MAPK10: variants seen among roughly 807,000 people sequenced by gnomAD.
MAPK10 encodes JNK3 alpha protein kinase.
Under a neutral mutation model 59.3 loss-of-function variants are expected in MAPK10, and 25 were observed. The observed-to-expected ratio is 0.42, with a 90% confidence interval of 0.31 to 0.59. The LOEUF is 0.59. Among genes scored for constraint, MAPK10 ranks in the 20% least tolerant of loss-of-function variants. The pLI is 0.15. For synonymous variants in MAPK10, 190 were observed against 200.5 expected, an observed-to-expected ratio of 0.95 and a Z score of 0.44; for missense variants, 351 against 568.9, an observed-to-expected ratio of 0.62 and a Z score of 3.90.
At chr4:86,286,752 G>C (rs1178084084) in intron 2 of MAPK10, among the ~76,000 whole-genome samples, 4 of 152,168 alleles carry the variant, frequency 2.6e-5, no homozygotes, top group African/African-American at 9.7e-5. Flanking sequence ...AATGAGGAGA[G>C]GGGGAAGGTT....
Position 86,012,568 on chromosome 4 carries a change from A to G in MAPK10, c.*4660T>C, listed in dbSNP as rs1425179824. ...AATATATTGACTCCATATTACCTAA[A>G]AAGAGTCAAAAGAAGCAGAAGTTCT... On this transcript the variant is annotated 3_prime_UTR_variant, in exon 14 of 14. Transcript: ENST00000641462. 1 of 152,216 alleles carries G rather than the reference A, an allele frequency of 6.6e-6. No homozygotes were observed. Among genetic ancestry groups the G allele is most frequent in the African/African-American group, 2.4e-5 (1 of 41,468 alleles). The allele number at this position is 152,216 out of a possible 1,614,324, so 9.4% of individuals were successfully genotyped here. A position where few individuals can be genotyped will look rare whatever the true frequency, so the allele number is the denominator to read the frequency against.
At chr4:86,350,072 G>A (rs1368155639) in intron 2 of MAPK10, among the ~76,000 whole-genome samples, 5 of 152,124 alleles carry the variant, frequency 3.3e-5, no homozygotes, top group Non-Finnish European at 5.9e-5. Context: ...GTGTGTGTGC[G>A]AGACAGTCTT....
chr4:86,277,872 G>A (rs1315249355), intron 2 of MAPK10, among the ~76,000 whole-genome samples: 3 of 152,088 alleles, frequency 2.0e-5, no homozygotes, highest in African/African-American at 7.2e-5. Context: ...AAGGCTTGGA[G>A]TAGATGTTAC....
At chr4:86,426,658 A>G (rs946886819) in intron 1 of MAPK10, among the ~76,000 whole-genome samples, 3 of 152,202 alleles carry the variant, frequency 2.0e-5, no homozygotes, top group Non-Finnish European at 4.4e-5. Context: ...CATGCTAAAT[A>G]TCTTTAATCC....
chr4:86,415,719 A>G (rs527890455), intron 1 of MAPK10, among the ~76,000 whole-genome samples: 36 of 152,362 alleles, frequency 2.4e-4, no homozygotes, highest in African/African-American at 8.7e-4. Flanking sequence ...ATATTCTCAC[A>G]AAAACATTCA....
intron 1 of MAPK10, among the ~76,000 whole-genome samples, chr4:86,550,499 G>A (rs1477649775): frequency 1.3e-5 from 2 of 150,254 alleles, no homozygotes; most frequent in African/African-American, 4.9e-5. Flanking sequence ...AAGAGCTGGA[G>A]ACCAGCCTGG....
chr4:86,225,805 T>C (rs1410756832), intron 2 of MAPK10, among the ~76,000 whole-genome samples: 2 of 152,226 alleles, frequency 1.3e-5, no homozygotes, highest in Non-Finnish European at 2.9e-5. Flanking sequence ...CAGTGCACTA[T>C]TGGTGCCCAC....
rs530638303 is a variant in MAPK10, at chr4:86,014,776, T to C, written c.*2452A>G. On this transcript the variant is annotated 3_prime_UTR_variant, in exon 14 of 14. Coordinates refer to ENST00000641462, the MANE Select transcript of MAPK10 (RefSeq NM_138982.4). ...TCACCACTTATGCAGGTACGAGAGA[T>C]AGCCTGTCAAGCACTTTGAAGATGC... is the stretch of plus-strand genomic sequence containing the variant. 3 of 152,316 alleles carry C rather than the reference T, an allele frequency of 2.0e-5. No individual in the cohort carries two copies. The South Asian group carries it at 6.2e-4, about 32-fold the overall frequency. 9.4% of individuals were successfully genotyped at this position (152,316 alleles called of 1,614,324 possible). A position where few individuals can be genotyped will look rare whatever the true frequency, so the allele number is the denominator to read the frequency against.
intron 1 of MAPK10, among the ~76,000 whole-genome samples, chr4:86,574,461 G>C (rs1173431034): frequency 6.6e-6 from 1 of 151,576 alleles, no homozygotes; most frequent in Non-Finnish European, 1.5e-5. Flanking sequence ...TCTAGTTCTA[G>C]ATCCCTGAGG....
Position 86,103,251 on chromosome 4 carries a change from G to A in MAPK10, c.367-7C>T. On this transcript the variant is annotated splice_polypyrimidine_tract_variant and splice_region_variant and intron_variant, in intron 5 of 13. Coordinates refer to ENST00000641462, the MANE Select transcript of MAPK10 (RefSeq NM_138982.4). ...CATTTAATAAACTAATAATCTGAAA[G>A]AGAGTGGAAGGGACAGAGGAAACGA... 5.7e-6 allele frequency: 8 copies of A among 1,396,086 alleles called. No homozygotes were observed. Among genetic ancestry groups the A allele is most frequent in the Non-Finnish European group, 8.2e-6 (8 of 979,912 alleles). The allele number at this position is 1,396,086 out of a possible 1,614,324, so 86.5% of individuals were successfully genotyped here.
chr4:86,485,441 T>C (rs1753917266), intron 1 of MAPK10, among the ~76,000 whole-genome samples: 1 of 152,220 alleles, frequency 6.6e-6, no homozygotes, highest in African/African-American at 2.4e-5. Context: ...ATCTCCTATG[T>C]CTAGCAAAGT....
chr4:86,054,931 C>A (rs2044264181), intron 11 of MAPK10, among the ~76,000 whole-genome samples: 1 of 152,106 alleles, frequency 6.6e-6, no homozygotes, highest in African/African-American at 2.4e-5. Flanking sequence ...TTTATTAACT[C>A]CATGTGAGTA....
chr4:86,496,412 T>C (rs186313662), intron 1 of MAPK10, among the ~76,000 whole-genome samples: 4 of 152,342 alleles, frequency 2.6e-5, no homozygotes, highest in Non-Finnish European at 5.9e-5. Flanking sequence ...ATATTACATA[T>C]CATTTATTTT....
chr4:86,400,163 G>A lies in MAPK10; in HGVS notation c.-121-45519C>T, dbSNP rs545678619. On this transcript the variant is annotated intron_variant, in intron 1 of 13. Coordinates refer to the MAPK10 transcript ENST00000361569. ...CTATCATTATTTTGCTACTGCATTA[G>A]AACTTTTAATGATATGTCTTAGGGT... Among the ~76,000 whole-genome samples the A allele has an allele frequency of 8.7e-4, 133 of 152,164 alleles. 1 individual carries two copies. Among genetic ancestry groups the A allele is most frequent in the African/African-American group, 3.0e-3 (126 of 41,522 alleles).
At chr4:86,510,388 T>C (rs1052269394) in intron 1 of MAPK10, among the ~76,000 whole-genome samples, 2 of 152,042 alleles carry the variant, frequency 1.3e-5, no homozygotes, top group Admixed American at 6.6e-5. Flanking sequence ...GCTGAAATTA[T>C]AGGGATGAGC....
chr4:86,093,918 T>C (rs141237017), intron 9 of MAPK10, among the ~76,000 whole-genome samples: 50 of 152,022 alleles, frequency 3.3e-4, no homozygotes, highest in African/African-American at 1.2e-3. Flanking sequence ...GCAATTTGCT[T>C]ATAGATTTGA....
chr4:86,032,376 C>T (rs2039249682), intron 11 of MAPK10: 1 of 151,888 alleles, frequency 6.6e-6, no homozygotes, highest in African/African-American at 2.4e-5. Context: ...AAATAAATCA[C>T]CATGAGGTAG....
chr4:86,404,639 CT>C (rs1236176952), intron 1 of MAPK10, among the ~76,000 whole-genome samples: 6 of 152,128 alleles, frequency 3.9e-5, no homozygotes, highest in African/African-American at 1.4e-4. Flanking sequence ...TTTAAGCACC[CT>C]TTTGAAAATA....
rs1277055975 is a variant in MAPK10, at chr4:86,322,950, G to A, written c.-7+31580C>T. Among the ~76,000 whole-genome samples, 4 of 152,192 alleles carry A rather than the reference G, an allele frequency of 2.6e-5. No individual in the cohort carries two copies. In the East Asian group the frequency reaches 7.7e-4, roughly 29 times the overall value. ...AGGACTTTGGGAGGCCAAGGCGGGAGGATCACCTGAGGTCAGGAGTTCGAG... is the reference window on the plus strand; with the variant it reads ...AGGACTTTGGGAGGCCAAGGCGGGAAGATCACCTGAGGTCAGGAGTTCGAG... On this transcript the variant is annotated intron_variant, in intron 2 of 13. Transcript: ENST00000641462.
Sources: allele counts gnomAD v4.1 joint callset (sites outside exome capture counted in the v4.1 genomes callset), GRCh38; gene constraint gnomAD v4.1.1; transcripts MANE v1.5; gene names NCBI Gene and HGNC (gene_info 2026-07-23, HGNC 2026-07-21).